Variants in C12orf56 observed in about 807,000 individuals in gnomAD.
C12orf56 encodes chromosome 12 open reading frame 56, also known as uncharacterized protein C12orf56.
C12orf56 carries 71 observed loss-of-function variants against 69.9 expected under a neutral mutation model. The observed-to-expected ratio is 1.02, with a 90% CI of 0.84 to 1.24. The LOEUF (loss-of-function observed/expected upper bound fraction) is 1.24, where lower values mean the gene tolerates loss of function less well. Among genes scored for constraint, C12orf56 ranks in the 50% most tolerant of loss-of-function variants. C12orf56 has a pLI of 0.00. For missense variants in C12orf56, 732 were observed against 738.5 expected (o/e 0.99, Z 0.10); for synonymous variants, 276 against 274.1 (o/e 1.01, Z -0.07).
At chr12:64,385,352 CT>C (rs1432975420) in intron 1 of C12orf56, among the ~76,000 whole-genome samples, 1 of 152,074 alleles carries the variant, frequency 6.6e-6, no homozygotes, top group African/African-American at 2.4e-5. Context: ...AATTTTGTTG[CT>C]GTTACCTTTA....
intron 8 of C12orf56, 106 bp from the exon 9 acceptor site, chr12:64,277,909 C>T (rs1031280135): frequency 3.5e-6 from 3 of 857,434 alleles, no homozygotes; most frequent in Admixed American, 6.4e-5. Context: ...AAGAATGAAG[C>T]ATTGCAGACC....
chr12:64,322,645 C>T (rs2038787849), intron 3 of C12orf56, among the ~76,000 whole-genome samples: 1 of 152,064 alleles, frequency 6.6e-6, no homozygotes, highest in Admixed American at 6.5e-5. Flanking sequence ...ATAGCGAGGC[C>T]CCATTTCTGA....
At chr12:64,276,821 C>G (rs10735921) in intron 9 of C12orf56, among the ~76,000 whole-genome samples, 146,209 of 149,828 alleles carry the variant, frequency 0.98, 71,421 homozygotes, top group East Asian at 1. Flanking sequence ...TGGCAAGACC[C>G]CATCTCTACA....
At chr12:64,313,767 C>T (rs1418970459) in intron 4 of C12orf56, among the ~76,000 whole-genome samples, 2 of 151,468 alleles carry the variant, frequency 1.3e-5, no homozygotes, top group East Asian at 1.9e-4. Flanking sequence ...ATTTACAGCC[C>T]GGCCCAGTGG....
chr12:64,389,582 C>G (rs1386271173), intron 1 of C12orf56, among the ~76,000 whole-genome samples: 1 of 152,142 alleles, frequency 6.6e-6, no homozygotes, highest in African/African-American at 2.4e-5. Flanking sequence ...CGGCAACCTC[C>G]GCCTCCCAGG....
intron 8 of C12orf56, among the ~76,000 whole-genome samples, chr12:64,279,179 C>T (rs1199589263): frequency 1.3e-5 from 2 of 152,172 alleles, no homozygotes; most frequent in Admixed American, 1.3e-4. Flanking sequence ...CTCAGCCTCT[C>T]AAAGTGCTTG....
intron 6 of C12orf56, among the ~76,000 whole-genome samples, chr12:64,287,142 G>T (rs1294160818): frequency 1.3e-5 from 2 of 151,628 alleles, no homozygotes; most frequent in African/African-American, 4.8e-5. Context: ...TACTTGGGAG[G>T]GTGAGGCAGG....
chr12:64,301,222 A>G (rs1339878539), intron 6 of C12orf56, among the ~76,000 whole-genome samples: 1 of 152,176 alleles, frequency 6.6e-6, no homozygotes, highest in African/African-American at 2.4e-5. Flanking sequence ...TTAAATATTA[A>G]AAGCTGATAG....
chr12:64,324,879 A>G (rs11175341), intron 3 of C12orf56, among the ~76,000 whole-genome samples: 61,907 of 151,894 alleles, frequency 0.41, 12,671 homozygotes, highest in South Asian at 0.41. Context: ...GAGACATATT[A>G]TGAACTCAGG....
At chr12:64,332,591 T>C (rs936092187) in intron 2 of C12orf56, among the ~76,000 whole-genome samples, 1 of 150,000 alleles carries the variant, frequency 6.7e-6, no homozygotes. Context: ...ATTTGTACAG[T>C]GTAAGACAGA....
At chr12:64,295,253 T>C (rs554088084) in intron 6 of C12orf56, among the ~76,000 whole-genome samples, 1 of 152,332 alleles carries the variant, frequency 6.6e-6, no homozygotes, top group South Asian at 2.1e-4. Context: ...ACTGAATGCA[T>C]ACTTATTGAT....
chr12:64,306,067 T>A (rs2038508128), intron 5 of C12orf56, among the ~76,000 whole-genome samples: 1 of 152,178 alleles, frequency 6.6e-6, no homozygotes, highest in African/African-American at 2.4e-5. Context: ...CTAATTTTTT[T>A]TAATGGCCAA....
chr12:64,352,099 GTT>G (rs55762803), intron 2 of C12orf56, among the ~76,000 whole-genome samples: 163 of 148,774 alleles, frequency 1.1e-3, no homozygotes, highest in African/African-American at 3.6e-3. Flanking sequence ...TTTTGTTTTT[GTT>G]TTTTTTTTTT....
In C12orf56 at chr12:64,332,164, C is replaced by T. The variant is rs147394112; in HGVS notation, c.416-1132G>A. The stretch of plus-strand genomic sequence containing the variant: ...TACTAAAAAGACAAAAATAGCTAGG[C>T]GCGGTAGGGTGGGCCTGTAGTCCCA... On this transcript the variant is annotated intron_variant, in intron 2 of 12. Transcript: ENST00000543942. Among the ~76,000 whole-genome samples, 838 of 151,784 alleles carry T rather than the reference C, an allele frequency of 5.5e-3. 10 individuals are homozygous for T. Among genetic ancestry groups the T allele is most frequent in the African/African-American group, 0.019 (782 of 41,386 alleles).
intron 1 of C12orf56, among the ~76,000 whole-genome samples, chr12:64,381,495 G>A (rs2039719038): frequency 2.0e-5 from 3 of 152,120 alleles, no homozygotes; most frequent in Admixed American, 6.6e-5. Context: ...TTTGGGAAAG[G>A]GCTGTTATTA....
Position 64,390,675 on chromosome 12 carries a change from C to T in C12orf56, c.-110G>A. 7.4e-7 allele frequency: 1 copy of T among 1,351,958 alleles called. No individual in the cohort carries two copies. Among genetic ancestry groups the T allele is most frequent in the Non-Finnish European group, 9.5e-7 (1 of 1,054,120 alleles). The allele number at this position is 1,351,958 out of a possible 1,614,324, so 83.7% of individuals were successfully genotyped here. On this transcript the variant is annotated 5_prime_UTR_variant, in exon 1 of 13. Coordinates refer to ENST00000543942, the MANE Select transcript of C12orf56 (RefSeq NM_001170633.2). ...CCACAAAGCCGCCGGCCACGCGTCG[C>T]CTCCTCTCCAGGCGCGGGGACCCGG...
intron 9 of C12orf56, among the ~76,000 whole-genome samples, chr12:64,276,188 A>G (rs2038049093): frequency 6.6e-6 from 1 of 152,188 alleles, no homozygotes; most frequent in Non-Finnish European, 1.5e-5. Context: ...ACAAATATGC[A>G]TCAGACACCA....
intron 3 of C12orf56, among the ~76,000 whole-genome samples, chr12:64,330,132 C>T (rs1394166280): frequency 2.6e-5 from 4 of 152,148 alleles, no homozygotes; most frequent in Non-Finnish European, 5.9e-5. Flanking sequence ...AACTAGTTTA[C>T]GTTCCACCAA....
intron 1 of C12orf56, among the ~76,000 whole-genome samples, chr12:64,366,907 TTA>T (rs1394419654): frequency 2.3e-5 from 3 of 129,978 alleles, no homozygotes; most frequent in African/African-American, 8.7e-5. Flanking sequence ...AGTTTATATA[TTA>T]TATATAACAC....
Sources: gnomAD v4.1 joint callset for allele counts (sites outside exome capture counted in the v4.1 genomes callset) on GRCh38, gnomAD v4.1.1 for gene constraint, MANE v1.5 for transcripts, NCBI Gene and HGNC (gene_info 2026-07-23, HGNC 2026-07-21) for gene names.